The following PON2 variants were observed in gnomAD, a reference collection of about 807,000 sequenced individuals.
PON2 encodes the protein paraoxonase 2, also known as serum paraoxonase/arylesterase 2.
PON2 carries 27 observed loss-of-function variants against 36.6 expected under a neutral mutation model. The ratio of observed to expected loss-of-function variants is 0.74; its 90% CI spans 0.54 to 1.02. PON2 has a LOEUF of 1.02. Among genes scored for constraint, PON2 ranks in the 50% least tolerant of loss-of-function variants. The pLI, the probability that PON2 is intolerant of heterozygous loss-of-function variation, is 0.00. For missense variants in PON2, 363 were observed against 421.1 expected (o/e 0.86, Z 1.21); for synonymous variants, 149 against 156.3 (o/e 0.95, Z 0.35).
chr7:95,419,555 T>C (rs1180050853), intron 2 of PON2, among the ~76,000 whole-genome samples: 1 of 152,200 alleles, frequency 6.6e-6, no homozygotes, highest in Non-Finnish European at 1.5e-5. Flanking sequence ...GTTCCCCTTC[T>C]TCCTTTTTAG....
intron 3 of PON2, among the ~76,000 whole-genome samples, chr7:95,414,019 TTTAAGTA>T (rs1789000904): frequency 6.6e-6 from 1 of 152,248 alleles, no homozygotes; most frequent in South Asian, 2.1e-4. Flanking sequence ...TCCTTATTTA[TTTAAGTA>T]TTTTTTCTCT....
chr7:95,405,536 G>A (rs1809661277), intron 8 of PON2, 48 bp from the exon 9 acceptor site: 1 of 1,548,654 alleles, frequency 6.5e-7, no homozygotes, highest in Non-Finnish European at 8.9e-7. Context: ...GTACATGCAT[G>A]TCACTCAATC....
chr7:95,405,222 A>C lies in PON2; in HGVS notation c.*108T>G, dbSNP rs1161613909. 2.1e-5 allele frequency: 25 copies of C among 1,202,790 alleles called. No homozygotes were observed. The Middle Eastern group carries it at 1.0e-3, about 50-fold the overall frequency. The allele number at this position is 1,202,790 out of a possible 1,614,324, so 74.5% of individuals were successfully genotyped here. On this transcript the variant is annotated 3_prime_UTR_variant, in exon 9 of 9. Coordinates refer to ENST00000222572, the MANE Select transcript of PON2 (RefSeq NM_000305.3). ...TCCTTACTGGAATAAAATTAACTAC[A>C]CATGCCATACATTTCTGGGTCAATG...
chr7:95,427,434 C>A (rs952832331), intron 1 of PON2, among the ~76,000 whole-genome samples: 1 of 152,080 alleles, frequency 6.6e-6, no homozygotes, highest in African/African-American at 2.4e-5. Flanking sequence ...GTCATATGAC[C>A]CAGGTTTTGG....
intron 1 of PON2, among the ~76,000 whole-genome samples, chr7:95,431,394 C>T (rs893020613): frequency 5.9e-5 from 9 of 151,306 alleles, no homozygotes; most frequent in Non-Finnish European, 8.8e-5. Flanking sequence ...TCTGAAGAGC[C>T]TTTCCTTATG....
chr7:95,429,181 C>G (rs1220331833), intron 1 of PON2, among the ~76,000 whole-genome samples: 4 of 150,042 alleles, frequency 2.7e-5, no homozygotes, highest in African/African-American at 4.9e-5. Flanking sequence ...TATCCCTCCC[C>G]CCTCCCCCTA....
At chr7:95,425,881 TA>T (rs17876192) in intron 1 of PON2, among the ~76,000 whole-genome samples, 9 of 152,124 alleles carry the variant, frequency 5.9e-5, no homozygotes, top group Non-Finnish European at 1.0e-4. Context: ...TTAAATATAA[TA>T]AAAAATAATG....
Position 95,410,055 on chromosome 7 carries a change from T to C in PON2, c.541A>G (p.Asn181Asp), listed in dbSNP as rs1193589888. The part of the protein sequence containing the change: ...AVGPAHFYAT[N>D]DHYFSDPFLK... ...AAAGGATCAGAGAAGTAGTGGTCAT[T>C]TGTGGCATAGAAATGTGCCGGTCCA... Residue 181 changes from asparagine to aspartate, a missense_variant, in exon 6 of 9, where the codon AAT (asparagine) becomes GAT (aspartate). Transcript: ENST00000222572. 3.7e-6 allele frequency: 6 copies of C among 1,613,730 alleles called. No individual in the cohort carries two copies. In the African/African-American group the frequency reaches 8.0e-5, roughly 22 times the overall value.
chr7:95,412,201 C>T, intron 4 of PON2, 111 bp downstream of exon 4: 1 of 1,388,996 alleles, frequency 7.2e-7, no homozygotes, highest in East Asian at 2.3e-5. Flanking sequence ...ACAGAAATCA[C>T]TCATGAGTTA....
At chr7:95,433,007 T>C (rs895648562) in intron 1 of PON2, among the ~76,000 whole-genome samples, 52 of 152,288 alleles carry the variant, frequency 3.4e-4, no homozygotes, top group African/African-American at 1.2e-3. Flanking sequence ...CTCTCTATTC[T>C]AGTAGTTCTC....
At chr7:95,417,726 C>CACAGACACACACA (rs56020343) in intron 2 of PON2, among the ~76,000 whole-genome samples, 1 of 148,396 alleles carries the variant, frequency 6.7e-6, no homozygotes, top group Admixed American at 6.7e-5. Flanking sequence ...CACACACACA[C>CACAGACACACACA]CGAGAGAGAA....
chr7:95,410,668 T>G (rs17876199), intron 5 of PON2, among the ~76,000 whole-genome samples: 1,545 of 152,302 alleles, frequency 0.01, 13 homozygotes, highest in Non-Finnish European at 0.015. Flanking sequence ...ATTGCCATAG[T>G]ACAATGCTTC....
intron 5 of PON2, 87 bp downstream of exon 5, chr7:95,411,559 ATTAGCGC>A: frequency 7.0e-7 from 1 of 1,428,454 alleles, no homozygotes; most frequent in South Asian, 1.2e-5. Flanking sequence ...TAATATATAC[ATTAGCGC>A]TTATAAAAGA....
intron 5 of PON2, 137 bp from the exon 6 acceptor site, chr7:95,410,238 C>A: frequency 1.4e-6 from 1 of 732,460 alleles, no homozygotes; most frequent in South Asian, 1.6e-5. Flanking sequence ...AAAATCACGA[C>A]TATAGTCATA....
chr7:95,414,846 A>G (rs1412969974), intron 3 of PON2, among the ~76,000 whole-genome samples: 1 of 152,218 alleles, frequency 6.6e-6, no homozygotes, highest in East Asian at 1.9e-4. Flanking sequence ...CATTCCTTTT[A>G]AAACCTTATT....
chr7:95,420,796 TAA>T (rs1789174083), intron 2 of PON2, among the ~76,000 whole-genome samples: 2 of 152,150 alleles, frequency 1.3e-5, no homozygotes, highest in Non-Finnish European at 2.9e-5. Flanking sequence ...CTCTCTATCA[TAA>T]AAAGTCACTT....
chr7:95,405,723 G>A (rs1329352693), intron 8 of PON2, among the ~76,000 whole-genome samples: 1 of 152,068 alleles, frequency 6.6e-6, no homozygotes, highest in African/African-American at 2.4e-5. Context: ...TGTTATTATA[G>A]CAATTCAGCT....
chr7:95,409,804 A>G (rs928419536), intron 6 of PON2, 97 bp downstream of exon 6: 56 of 976,772 alleles, frequency 5.7e-5, no homozygotes, highest in Non-Finnish European at 8.4e-5. Context: ...CATAAATGTC[A>G]AGAAAACTAT....
At chr7:95,422,476 A>T (rs1249317480) in intron 2 of PON2, among the ~76,000 whole-genome samples, 1 of 152,222 alleles carries the variant, frequency 6.6e-6, no homozygotes, top group Non-Finnish European at 1.5e-5. Context: ...TGCACAAAAA[A>T]TACTGTGCAG....
Sources: gnomAD v4.1 joint callset for allele counts (sites outside exome capture counted in the v4.1 genomes callset) on GRCh38, gnomAD v4.1.1 for gene constraint, MANE v1.5 for transcripts, NCBI Gene and HGNC (gene_info 2026-07-23, HGNC 2026-07-21) for gene names.